The following LIMCH1 variants were observed in gnomAD, a reference collection of about 807,000 sequenced individuals.
LIMCH1 encodes the protein LIM and calponin homology domains 1, also known as LIM and calponin homology domains-containing protein 1.
A neutral mutation model predicts 176.5 loss-of-function variants in LIMCH1; 113 were observed. The observed-to-expected ratio is 0.64, with a 90% confidence interval of 0.55 to 0.75. The LOEUF (loss-of-function observed/expected upper bound fraction) is 0.75. Ranked by LOEUF, LIMCH1 falls within the 30% of genes least tolerant of loss-of-function variation. The pLI is 0.00. For synonymous variants in LIMCH1, 619 were observed against 645.9 expected, an observed-to-expected ratio of 0.96 and a Z score of 0.63; for missense variants, 1,674 against 1,814.9, an observed-to-expected ratio of 0.92 and a Z score of 1.41.
At chr4:41,536,874 A>G (rs2078006309), upstream of LIMCH1, among the ~76,000 whole-genome samples, 1 of 152,228 alleles carries the variant, frequency 6.6e-6, no homozygotes, top group Admixed American at 6.5e-5. Context: ...TGAAATCCAA[A>G]TAAAACATGG....
chr4:41,446,086 G>T (rs906006070), intron 1 of LIMCH1, among the ~76,000 whole-genome samples: 2 of 152,198 alleles, frequency 1.3e-5, no homozygotes, highest in Non-Finnish European at 2.9e-5. Flanking sequence ...TTGTCAAAGG[G>T]TTTGAGGGTT....
At chr4:41,424,119 G>A (rs2060865758) in intron 1 of LIMCH1, among the ~76,000 whole-genome samples, 1 of 151,502 alleles carries the variant, frequency 6.6e-6, no homozygotes, top group Non-Finnish European at 1.5e-5. Flanking sequence ...ATGCGTACTA[G>A]CCTTATACAT....
chr4:41,419,604 G>GTCCTTCCTTCCT (rs771746018), intron 1 of LIMCH1, among the ~76,000 whole-genome samples: 2 of 47,268 alleles, frequency 4.2e-5, no homozygotes, highest in Non-Finnish European at 7.7e-5. Context: ...CCTTCCTTCC[G>GTCCTTCCTTCCT]TCCTTCCTTC....
At chr4:41,451,851 T>C (rs1334010215) in intron 1 of LIMCH1, among the ~76,000 whole-genome samples, 2 of 152,220 alleles carry the variant, frequency 1.3e-5, no homozygotes, top group East Asian at 1.9e-4. Flanking sequence ...GCACAAAATT[T>C]CATCCCTTTA....
intron 13 of LIMCH1, among the ~76,000 whole-genome samples, chr4:41,634,479 A>C (rs2152882293): frequency 6.6e-6 from 1 of 152,298 alleles, no homozygotes. Flanking sequence ...CTGCTTCTCC[A>C]AGGACCCTGA....
chr4:41,619,695 C>G (rs2092414768), intron 6 of LIMCH1: 7 of 530,020 alleles, frequency 1.3e-5, no homozygotes, highest in Non-Finnish European at 2.0e-5. Context: ...TTTCTGAAAC[C>G]AATTCTGTTG....
chr4:41,617,398 G>A (rs1378204086), intron 5 of LIMCH1, among the ~76,000 whole-genome samples: 2 of 152,124 alleles, frequency 1.3e-5, no homozygotes, highest in Non-Finnish European at 2.9e-5. Context: ...CTGAGCCTCT[G>A]TACCCACCTT....
chr4:41,534,940 C>T (rs548995960), upstream of LIMCH1, among the ~76,000 whole-genome samples: 2 of 151,946 alleles, frequency 1.3e-5, no homozygotes, highest in Admixed American at 6.5e-5. Flanking sequence ...GGCAGGTGAT[C>T]GCTTGAGCCC....
intron 1 of LIMCH1, among the ~76,000 whole-genome samples, chr4:41,568,757 A>G (rs1362190090): frequency 2.0e-5 from 3 of 152,216 alleles, no homozygotes; most frequent in Non-Finnish European, 4.4e-5. Flanking sequence ...TAACCATTGA[A>G]AGATTGCTTG....
chr4:41,519,156 G>A lies in LIMCH1; in HGVS notation c.168-5253G>A, dbSNP rs186859439. ...CACCTTCTCAAAAATTAAGATGGCCGTGAATTAGGATGTATGACAGCGAGA... is the reference window on the plus strand; with the variant it reads ...CACCTTCTCAAAAATTAAGATGGCCATGAATTAGGATGTATGACAGCGAGA... On this transcript the variant is annotated intron_variant, in intron 2 of 26. Coordinates refer to the LIMCH1 transcript ENST00000313860. 1.5e-3 allele frequency among the ~76,000 whole-genome samples: 229 copies of A among 152,280 alleles called. 1 individual carries two copies. The highest frequency in any genetic ancestry group is 5.2e-3 in the African/African-American group (216 of 41,554).
intron 2 of LIMCH1, among the ~76,000 whole-genome samples, chr4:41,498,776 C>T (rs1477226673): frequency 1.3e-5 from 2 of 152,146 alleles, no homozygotes; most frequent in Non-Finnish European, 2.9e-5. Flanking sequence ...TTTGAAATAA[C>T]TCCAGAAAAG....
At chr4:41,663,133 T>TTGTGTGTGTG in intron 20 of LIMCH1, 149 bp downstream of exon 20, 1 of 571,544 alleles carries the variant, frequency 1.7e-6, no homozygotes, top group Non-Finnish European at 2.8e-6. Flanking sequence ...TTTTTCTTTT[T>TTGTGTGTGTG]CGTGTGTGTG....
At chr4:41,581,642 TA>T (rs1169836635) in intron 1 of LIMCH1, among the ~76,000 whole-genome samples, 4 of 151,644 alleles carry the variant, frequency 2.6e-5, no homozygotes, top group African/African-American at 9.7e-5. Context: ...CTGTCTCTAC[TA>T]AAAAGTACAA....
In LIMCH1 at chr4:41,627,022, GTGTGT is replaced by G; in HGVS notation, c.1028+13_1028+17del. 8.3e-7 allele frequency: 1 copy of G among 1,199,184 alleles called. No individual in the cohort carries two copies. The allele number at this position is 1,199,184 out of a possible 1,614,324, so 74.3% of individuals were successfully genotyped here. A position where few individuals can be genotyped will look rare whatever the true frequency, so the allele number is the denominator to read the frequency against. On this transcript the variant is annotated intron_variant, in intron 8 of 31. Coordinates refer to ENST00000503057, the MANE Select transcript of LIMCH1 (RefSeq NM_001330672.2). ...CTAGAATATAAAAGGTGTGCATGGT[GTGTGT>G]GTGTGTGTGTGTGTGTGTGTGTGTG...
At chr4:41,364,969 C>T (rs905133619) in intron 1 of LIMCH1, among the ~76,000 whole-genome samples, 3 of 152,098 alleles carry the variant, frequency 2.0e-5, no homozygotes, top group Non-Finnish European at 2.9e-5. Context: ...TTTCCTGATT[C>T]CCCGCTTCTC....
chr4:41,569,717 T>C (rs910340855), intron 1 of LIMCH1, among the ~76,000 whole-genome samples: 1 of 152,184 alleles, frequency 6.6e-6, no homozygotes, highest in East Asian at 1.9e-4. Flanking sequence ...TCAAGGACCA[T>C]ATTCAATATT....
In LIMCH1 at chr4:41,454,261, G is replaced by T. The variant is rs573111495; in HGVS notation, c.97-40275G>T. Among the ~76,000 whole-genome samples, 116 of 152,206 alleles carry T rather than the reference G, an allele frequency of 7.6e-4. No homozygotes were observed. The South Asian group carries it at 0.023, about 30-fold the overall frequency. ...ACTGGGATAAAATCTGGTAAATAAG[G>T]GAATGCGTAAATTAAACAGCCAAGT... On this transcript the variant is annotated intron_variant, in intron 1 of 26. Coordinates refer to the LIMCH1 transcript ENST00000313860.
intron 1 of LIMCH1, among the ~76,000 whole-genome samples, chr4:41,427,068 A>G (rs1296389208): frequency 6.6e-6 from 1 of 152,240 alleles, no homozygotes; most frequent in Non-Finnish European, 1.5e-5. Context: ...TCAAAGAATG[A>G]TTGATCATTG....
At chr4:41,625,027 C>T (rs1339609348) in intron 7 of LIMCH1, among the ~76,000 whole-genome samples, 2 of 152,168 alleles carry the variant, frequency 1.3e-5, no homozygotes, top group East Asian at 1.9e-4. Context: ...ACTCCTTCTT[C>T]CCAAAGCTAC....
Sources: allele counts gnomAD v4.1 joint callset (sites outside exome capture counted in the v4.1 genomes callset), GRCh38; gene constraint gnomAD v4.1.1; transcripts MANE v1.5; gene names NCBI Gene and HGNC (gene_info 2026-07-23, HGNC 2026-07-21).